The following ANTXR1 variants were observed in gnomAD, a reference collection of about 807,000 sequenced individuals.
ANTXR1 encodes the protein ANTXR cell adhesion molecule 1.
ANTXR1 carries 19 observed loss-of-function variants against 78.1 expected under a neutral mutation model. The observed-to-expected ratio is 0.24, with a 90% CI of 0.17 to 0.36. ANTXR1 has a LOEUF of 0.36. Ranked by LOEUF, ANTXR1 falls within the 10% of genes least tolerant of loss-of-function variation. The probability of loss-of-function intolerance (pLI) is 1.00; values close to 1 mark genes in which losing one functional copy is unlikely to be tolerated. For synonymous variants in ANTXR1, 273 were observed against 260.5 expected, an observed-to-expected ratio of 1.05 and a Z score of -0.46; for missense variants, 518 against 718.6, an observed-to-expected ratio of 0.72 and a Z score of 3.19.
At chr2:69,019,315 G>A (rs1671114067) in intron 1 of ANTXR1, among the ~76,000 whole-genome samples, 1 of 152,084 alleles carries the variant, frequency 6.6e-6, no homozygotes, top group South Asian at 2.1e-4. Context: ...CTAAGTATTT[G>A]ATCATTTTGG....
intron 10 of ANTXR1, among the ~76,000 whole-genome samples, chr2:69,108,417 C>T (rs897363466): frequency 7.9e-5 from 12 of 152,122 alleles, no homozygotes; most frequent in Non-Finnish European, 1.3e-4. Context: ...TCAGCAACGA[C>T]CATTAGAAAA....
intron 8 of ANTXR1, among the ~76,000 whole-genome samples, chr2:69,082,350 G>A (rs978661963): frequency 1.3e-5 from 2 of 152,230 alleles, no homozygotes; most frequent in African/African-American, 4.8e-5. Context: ...TTTCCCACTC[G>A]CTTCTGCAGA....
chr2:69,062,107 G>A (rs1670261548), intron 3 of ANTXR1, among the ~76,000 whole-genome samples: 2 of 152,218 alleles, frequency 1.3e-5, no homozygotes, highest in Non-Finnish European at 2.9e-5. Context: ...CTAGGTTTGG[G>A]TAATTGGAGG....
chr2:69,205,268 T>G (rs1222885354), intron 17 of ANTXR1, among the ~76,000 whole-genome samples: 1 of 152,034 alleles, frequency 6.6e-6, no homozygotes, highest in Non-Finnish European at 1.5e-5. Context: ...AAGGGCCGCC[T>G]TCTAGTTGGA....
chr2:69,226,764 C>T (rs1236292216), intron 17 of ANTXR1, among the ~76,000 whole-genome samples: 2 of 152,172 alleles, frequency 1.3e-5, no homozygotes, highest in Non-Finnish European at 2.9e-5. Context: ...TAATTAGCGA[C>T]ATTCTTTATT....
At chr2:69,229,734 GT>G (rs562601103) in intron 17 of ANTXR1, among the ~76,000 whole-genome samples, 18,653 of 139,114 alleles carry the variant, frequency 0.13, 2,378 homozygotes, top group African/African-American at 0.35. Flanking sequence ...TGCCATGGTG[GT>G]TTTTTTTTTT....
At chr2:69,153,976 G>GTA (rs1451451337) in intron 13 of ANTXR1, among the ~76,000 whole-genome samples, 2 of 152,074 alleles carry the variant, frequency 1.3e-5, no homozygotes, top group East Asian at 1.9e-4. Flanking sequence ...ATAAAGGAGT[G>GTA]TATATATATG....
chr2:69,160,221 C>T (rs533768216), intron 13 of ANTXR1, among the ~76,000 whole-genome samples: 4 of 152,166 alleles, frequency 2.6e-5, no homozygotes, highest in Non-Finnish European at 5.9e-5. Context: ...AGGTACACCA[C>T]ACACCTCACA....
At chr2:69,217,657 A>G (rs1490067190) in intron 17 of ANTXR1, among the ~76,000 whole-genome samples, 1 of 152,182 alleles carries the variant, frequency 6.6e-6, no homozygotes, top group Non-Finnish European at 1.5e-5. Flanking sequence ...GCATATCAGC[A>G]TTGTTATTAT....
chr2:69,086,426 G>A (rs927595958), intron 8 of ANTXR1, among the ~76,000 whole-genome samples: 3 of 152,162 alleles, frequency 2.0e-5, no homozygotes, highest in African/African-American at 4.8e-5. Context: ...TTGTACATCC[G>A]CTGCCTCTCT....
intron 8 of ANTXR1, among the ~76,000 whole-genome samples, chr2:69,089,685 G>A (rs181870023): frequency 7.2e-5 from 11 of 152,276 alleles, no homozygotes; most frequent in Admixed American, 2.0e-4. Flanking sequence ...ATAAATGGGC[G>A]TTTCCCAATG....
chr2:69,106,728 T>C (rs987546323), intron 10 of ANTXR1, among the ~76,000 whole-genome samples: 1 of 152,178 alleles, frequency 6.6e-6, no homozygotes, highest in Admixed American at 6.5e-5. Flanking sequence ...ACAGAGGCCA[T>C]GCACCTTCAC....
At chr2:69,242,946 G>T (rs571405998) in intron 17 of ANTXR1, among the ~76,000 whole-genome samples, 1 of 152,218 alleles carries the variant, frequency 6.6e-6, no homozygotes, top group Non-Finnish European at 1.5e-5. Context: ...ACATAAACCC[G>T]GGAGCTCTGG....
chr2:69,037,632 G>A (rs1669481287), intron 1 of ANTXR1, among the ~76,000 whole-genome samples: 1 of 152,022 alleles, frequency 6.6e-6, no homozygotes, highest in South Asian at 2.1e-4. Flanking sequence ...ACCATGCCCG[G>A]CTAATTTTTG....
intron 9 of ANTXR1, among the ~76,000 whole-genome samples, chr2:69,099,550 A>C (rs1333102408): frequency 1.3e-5 from 2 of 152,244 alleles, no homozygotes; most frequent in African/African-American, 4.8e-5. Flanking sequence ...ACAGCATTTT[A>C]CATTTCCACC....
chr2:69,137,006 C>T (rs567613179), intron 12 of ANTXR1, among the ~76,000 whole-genome samples: 8 of 152,306 alleles, frequency 5.3e-5, no homozygotes, highest in Admixed American at 1.3e-4. Flanking sequence ...GTTCATCCCC[C>T]ACCTACCCCT....
At chr2:69,114,339 A>G (rs1250355124) in intron 10 of ANTXR1, among the ~76,000 whole-genome samples, 1 of 152,254 alleles carries the variant, frequency 6.6e-6, no homozygotes, top group Non-Finnish European at 1.5e-5. Flanking sequence ...AGCTGTGCTG[A>G]CAAACAGTTC....
At chr2:69,133,326 G>A (rs1672812956) in intron 12 of ANTXR1, among the ~76,000 whole-genome samples, 1 of 152,158 alleles carries the variant, frequency 6.6e-6, no homozygotes, top group African/African-American at 2.4e-5. Context: ...CTCACTAACT[G>A]ACTTTCCCCT....
chr2:69,108,821 T>C (rs1297131176), intron 10 of ANTXR1, among the ~76,000 whole-genome samples: 1 of 152,216 alleles, frequency 6.6e-6, no homozygotes, highest in Non-Finnish European at 1.5e-5. Context: ...AGCTGCACAG[T>C]ATTCCACGGT....
Sources: gnomAD v4.1 joint callset for allele counts (sites outside exome capture counted in the v4.1 genomes callset) on GRCh38, gnomAD v4.1.1 for gene constraint, MANE v1.5 for transcripts, NCBI Gene and HGNC (gene_info 2026-07-23, HGNC 2026-07-21) for gene names.